The following UBE2H variants were observed in gnomAD, a reference collection of about 807,000 sequenced individuals.
The protein encoded by UBE2H is ubiquitin conjugating enzyme E2 H.
UBE2H carries 3 observed loss-of-function variants against 29.0 expected under a neutral mutation model. The ratio of observed to expected loss-of-function variants is 0.10; its 90% CI spans 0.05 to 0.27. The LOEUF (loss-of-function observed/expected upper bound fraction) is 0.27, where lower values mean the gene tolerates loss of function less well. UBE2H is among the 10% of genes least tolerant of loss of function. UBE2H has a pLI of 1.00. For missense variants in UBE2H, 68 were observed against 228.2 expected (o/e 0.30, Z 4.52); for synonymous variants, 69 against 82.9 (o/e 0.83, Z 0.91).
intron 1 of UBE2H, among the ~76,000 whole-genome samples, chr7:129,884,858 T>C (rs1262304424): frequency 6.6e-6 from 1 of 152,098 alleles, no homozygotes; most frequent in African/African-American, 2.4e-5. Context: ...GCTGGGATTA[T>C]AGGCGTGAGC....
chr7:129,948,088 G>A (rs547587519), intron 1 of UBE2H, among the ~76,000 whole-genome samples: 35 of 152,146 alleles, frequency 2.3e-4, no homozygotes, highest in South Asian at 6.2e-4. Context: ...CCGAACTCCT[G>A]ACCTCAGGTG....
At chr7:129,910,507 C>T (rs1047989003) in intron 1 of UBE2H, among the ~76,000 whole-genome samples, 1 of 152,130 alleles carries the variant, frequency 6.6e-6, no homozygotes, top group Non-Finnish European at 1.5e-5. Context: ...AACCAAGACT[C>T]CATCAAACCG....
chr7:129,925,964 T>G (rs1807260636), intron 1 of UBE2H, among the ~76,000 whole-genome samples: 1 of 152,150 alleles, frequency 6.6e-6, no homozygotes, highest in Non-Finnish European at 1.5e-5. Context: ...AACTGATCTG[T>G]CCAGTAAGCA....
chr7:129,867,740 A>AAAAAAAAACAAAAAAAAAAAAAAAG (rs768415224), intron 3 of UBE2H, among the ~76,000 whole-genome samples: 3 of 138,310 alleles, frequency 2.2e-5, no homozygotes, highest in Non-Finnish European at 3.1e-5. Context: ...AAAAAAAAAA[A>AAAAAAAAACAAAAAAAAAAAAAAAG]AAGAAGACCA....
chr7:129,879,280 C>T (rs1806208519), intron 3 of UBE2H, among the ~76,000 whole-genome samples: 1 of 152,138 alleles, frequency 6.6e-6, no homozygotes, highest in Non-Finnish European at 1.5e-5. Flanking sequence ...TATTATTTTC[C>T]TGCTAACAGC....
At chr7:129,871,330 C>T (rs1806025264) in intron 3 of UBE2H, among the ~76,000 whole-genome samples, 1 of 152,198 alleles carries the variant, frequency 6.6e-6, no homozygotes. Flanking sequence ...TTAACAATGG[C>T]TTATATTCTC....
chr7:129,839,395 G>A, intron 5 of UBE2H, 60 bp from the exon 6 acceptor site: 1 of 1,604,726 alleles, frequency 6.2e-7, no homozygotes, highest in Non-Finnish European at 8.5e-7. Flanking sequence ...AAATTCACTT[G>A]CATTCAGTAG....
At chr7:129,873,279 A>C (rs945839550) in intron 3 of UBE2H, among the ~76,000 whole-genome samples, 1 of 151,970 alleles carries the variant, frequency 6.6e-6, no homozygotes, top group Non-Finnish European at 1.5e-5. Flanking sequence ...TCAGCCTCCC[A>C]AAGTGCTGGG....
intron 1 of UBE2H, among the ~76,000 whole-genome samples, chr7:129,911,374 TAAA>T (rs72051594): frequency 7.0e-5 from 10 of 143,642 alleles, no homozygotes; most frequent in Admixed American, 2.1e-4. Context: ...CCGTCTCAAT[TAAA>T]AAAAAAAAAA....
chr7:129,945,902 C>T (rs998005412), intron 1 of UBE2H, among the ~76,000 whole-genome samples: 12 of 152,112 alleles, frequency 7.9e-5, no homozygotes, highest in Non-Finnish European at 1.3e-4. Context: ...TGCGCCACCA[C>T]GCCCAGCTAA....
At chr7:129,917,013 G>C (rs1317769038) in intron 1 of UBE2H, among the ~76,000 whole-genome samples, 1 of 149,616 alleles carries the variant, frequency 6.7e-6, no homozygotes, top group African/African-American at 2.5e-5. Flanking sequence ...CTTCAGCCTG[G>C]GCGACACAGC....
At chr7:129,901,371 C>G (rs757477647) in intron 1 of UBE2H, among the ~76,000 whole-genome samples, 14 of 152,136 alleles carry the variant, frequency 9.2e-5, no homozygotes, top group Non-Finnish European at 1.8e-4. Context: ...GTGGCACACT[C>G]AGGCTTGTTC....
At chr7:129,892,972 T>C (rs932002834) in intron 1 of UBE2H, among the ~76,000 whole-genome samples, 1 of 152,232 alleles carries the variant, frequency 6.6e-6, no homozygotes, top group Non-Finnish European at 1.5e-5. Context: ...ATAAGGGAAG[T>C]ATCACTTATT....
chr7:129,873,021 T>G (rs941206368), intron 3 of UBE2H, among the ~76,000 whole-genome samples: 3 of 118,292 alleles, frequency 2.5e-5, no homozygotes, highest in East Asian at 7.4e-4. Flanking sequence ...TAGCTCAGAG[T>G]TTTTTTTTTT....
intron 5 of UBE2H, among the ~76,000 whole-genome samples, chr7:129,856,349 T>C (rs1805704835): frequency 1.3e-5 from 2 of 152,322 alleles, no homozygotes; most frequent in South Asian, 4.1e-4. Flanking sequence ...TGGTTACCTG[T>C]ACCATTCATT....
chr7:129,905,899 AG>A (rs912498110), intron 1 of UBE2H, among the ~76,000 whole-genome samples: 2 of 152,036 alleles, frequency 1.3e-5, no homozygotes, highest in Non-Finnish European at 2.9e-5. Context: ...CAGGAGTTAG[AG>A]GTTACAATGA....
At chr7:129,930,759 T>G (rs1208970857) in intron 1 of UBE2H, among the ~76,000 whole-genome samples, 1 of 150,750 alleles carries the variant, frequency 6.6e-6, no homozygotes, top group Non-Finnish European at 1.5e-5. Flanking sequence ...ATACAAAAAA[T>G]TAGCCGGGCA....
chr7:129,940,091 A>G (rs1289489381), intron 1 of UBE2H, among the ~76,000 whole-genome samples: 1 of 152,200 alleles, frequency 6.6e-6, no homozygotes, highest in African/African-American at 2.4e-5. Context: ...TTCTGAGGTA[A>G]CACAAACCAG....
Position 129,930,541 on chromosome 7 carries a change from C to T in UBE2H, c.53+21962G>A, listed in dbSNP as rs1297073023. ...ATCCCAGTACTTTGGGAGGCCAAGG[C>T]GGGTGGATCACGAGGTCAGGTGTTC... On this transcript the variant is annotated intron_variant, in intron 1 of 6. Coordinates refer to ENST00000355621, the MANE Select transcript of UBE2H (RefSeq NM_003344.4). 3.9e-5 allele frequency among the ~76,000 whole-genome samples: 6 copies of T among 152,104 alleles called. No homozygotes were observed. The South Asian group carries it at 6.2e-4, about 16-fold the overall frequency.
Sources: allele counts gnomAD v4.1 joint callset (sites outside exome capture counted in the v4.1 genomes callset), GRCh38; gene constraint gnomAD v4.1.1; transcripts MANE v1.5; gene names NCBI Gene and HGNC (gene_info 2026-07-23, HGNC 2026-07-21).